PLAGL1: variants seen among roughly 807,000 people sequenced by gnomAD.
The protein encoded by PLAGL1 is PLAG1 like zinc finger 1.
In PLAGL1, 1 loss-of-function variant was observed where a neutral mutation model predicts 4.6. That is an observed-to-expected ratio of 0.22 (90% CI 0.08 to 1.03). The LOEUF (loss-of-function observed/expected upper bound fraction) is 1.03. Ranked by LOEUF, PLAGL1 falls within the 50% of genes least tolerant of loss-of-function variation. The pLI, the probability that PLAGL1 is intolerant of heterozygous loss-of-function variation, is 0.58. For missense variants in PLAGL1, 464 were observed against 570.4 expected (o/e 0.81, Z 1.90); for synonymous variants, 240 against 237.8 (o/e 1.01, Z -0.08).
intron 2 of PLAGL1, among the ~76,000 whole-genome samples, chr6:143,974,036 T>C (rs1227554121): frequency 1.3e-5 from 2 of 152,142 alleles, no homozygotes; most frequent in African/African-American, 4.8e-5. Context: ...GGGGTGAGGA[T>C]GGTTAGTCAA....
rs1262658866 is a variant in PLAGL1 at position 144,050,967 on chromosome 6, G to A, written c.-151+13501C>T. Among the ~76,000 whole-genome samples, 2 of 152,030 alleles carry A rather than the reference G, an allele frequency of 1.3e-5. No individual in the cohort carries two copies. Among genetic ancestry groups the A allele is most frequent in the African/African-American group, 4.8e-5 (2 of 41,392 alleles). ...TCTTTTATTACCAATAATATCTTCA[G>A]GCAAAATCTGCTGACAAACATTTAT... On this transcript the variant is annotated intron_variant, in intron 1 of 3. Transcript: ENST00000437412. The surrounding 1 kb of genome is among the most constrained non-coding windows in gnomAD (Gnocchi z 4.3).
chr6:144,008,790 G>A (rs1794893537), upstream of PLAGL1: 1 of 152,294 alleles, frequency 6.6e-6, no homozygotes, highest in Non-Finnish European at 1.5e-5. This position sits in a 1 kb window ranked among gnomAD's most constrained non-coding sequence, Gnocchi z 6.9. Flanking sequence ...CTGACCGTGA[G>A]CCAGGCACTG....
chr6:144,009,914 A>G (rs1218878510), upstream of PLAGL1, among the ~76,000 whole-genome samples: 2 of 152,158 alleles, frequency 1.3e-5, no homozygotes, highest in African/African-American at 4.8e-5. Context: ...AATCCAGTCT[A>G]TCACCAATGG....
At chr6:143,987,231 C>G (rs1562502431) in intron 1 of PLAGL1, among the ~76,000 whole-genome samples, 1 of 151,814 alleles carries the variant, frequency 6.6e-6, no homozygotes, top group Non-Finnish European at 1.5e-5. Context: ...TATTTAGAGA[C>G]AGGGTCTCTG....
At position 143,984,882 on chromosome 6, in the gene PLAGL1, T is replaced by C. The variant is rs1000432463; in HGVS notation, c.-544+253A>G. Among the ~76,000 whole-genome samples the C allele has an allele frequency of 1.3e-5, 2 of 152,208 alleles. No individual in the cohort carries two copies. Among genetic ancestry groups the C allele is most frequent in the Non-Finnish European group, 1.5e-5 (1 of 68,008 alleles). On this transcript the variant is annotated intron_variant, in intron 2 of 7. Transcript: ENST00000674357. This position sits in a 1 kb window ranked among gnomAD's most constrained non-coding sequence, Gnocchi z 5.5. Reference sequence around the variant, plus strand: ...GCCCTTTGCTCCCACTAACCATAACTCTGATAAGAAGTCACTATAAGGAAA... The same window carrying C: ...GCCCTTTGCTCCCACTAACCATAACCCTGATAAGAAGTCACTATAAGGAAA...
At chr6:144,062,742 A>G (rs1159024782) in intron 1 of PLAGL1, among the ~76,000 whole-genome samples, 1 of 152,192 alleles carries the variant, frequency 6.6e-6, no homozygotes, top group Non-Finnish European at 1.5e-5. Context: ...GGGCAAAAAA[A>G]CAGCATTTAT....
intron 2 of PLAGL1, among the ~76,000 whole-genome samples, chr6:143,974,559 T>A (rs1786088272): frequency 6.6e-6 from 1 of 152,032 alleles, no homozygotes. Flanking sequence ...TATACAGAAC[T>A]CTCAACTGCA....
intron 1 of PLAGL1, among the ~76,000 whole-genome samples, chr6:144,044,678 T>C (rs1455151565): frequency 6.6e-6 from 1 of 152,238 alleles, no homozygotes; most frequent in East Asian, 1.9e-4. Context: ...GTTCTGTAGA[T>C]GTCTATTAGG....
intron 2 of PLAGL1, among the ~76,000 whole-genome samples, chr6:143,981,421 G>C (rs983728717): frequency 6.6e-6 from 1 of 152,118 alleles, no homozygotes; most frequent in Non-Finnish European, 1.5e-5. Flanking sequence ...CTCACTCTCT[G>C]TGTAACTAAC....
Position 143,949,442 on chromosome 6 carries a change from T to C in PLAGL1, c.-324-982A>G, listed in dbSNP as rs1481295685. 1.3e-5 allele frequency among the ~76,000 whole-genome samples: 2 copies of C among 152,126 alleles called. No homozygotes were observed. The highest frequency in any genetic ancestry group is 4.8e-5 in the African/African-American group (2 of 41,416). ...AAGCTGAGAAACTGTGTTCCAAAAA[T>C]TTACACTTGGAGATGTCTCCTCCTA... On this transcript the variant is annotated intron_variant, in intron 6 of 7. Coordinates refer to ENST00000674357, the MANE Select transcript of PLAGL1 (RefSeq NM_001317162.2). The surrounding 1 kb of genome is among the most constrained non-coding windows in gnomAD (Gnocchi z 5.3).
intron 1 of PLAGL1, among the ~76,000 whole-genome samples, chr6:144,002,882 G>A (rs9484837): frequency 0.8 from 119,008 of 148,222 alleles, 47,784 homozygotes; most frequent in Middle Eastern, 0.82. Flanking sequence ...ATTCTGGTAG[G>A]CTTTTTTTTT....
rs1787521889 is a variant in PLAGL1 at position 143,979,861 on chromosome 6, C to T, written c.-544+5274G>A. ...AAAAGATTTCCTTTAGTATTTCTTA[C>T]ACTGTGGGTCTACTGGTGATTAATT... On this transcript the variant is annotated intron_variant, in intron 2 of 7. Coordinates refer to ENST00000674357, the MANE Select transcript of PLAGL1 (RefSeq NM_001317162.2). The surrounding 1 kb of genome is among the most constrained non-coding windows in gnomAD (Gnocchi z 4.6). Among the ~76,000 whole-genome samples, 1 of 152,000 alleles carries T rather than the reference C, an allele frequency of 6.6e-6. No individual in the cohort carries two copies. Among genetic ancestry groups the T allele is most frequent in the Non-Finnish European group, 1.5e-5 (1 of 67,938 alleles).
rs562294106 is a variant in PLAGL1 at position 143,947,290 on chromosome 6, G to A, written c.152+695C>T. Among the ~76,000 whole-genome samples the A allele has an allele frequency of 6.6e-6, 1 of 152,264 alleles. No individual in the cohort carries two copies. Among genetic ancestry groups the A allele is most frequent in the East Asian group, 1.9e-4 (1 of 5,180 alleles). Reference sequence around the variant, plus strand: ...CTCCTAGCTTTACTCTCAGGACCTGGATCAGCCCCCACATTTCATCCCTGG... The same window carrying A: ...CTCCTAGCTTTACTCTCAGGACCTGAATCAGCCCCCACATTTCATCCCTGG... On this transcript the variant is annotated intron_variant, in intron 7 of 7. Coordinates refer to ENST00000674357, the MANE Select transcript of PLAGL1 (RefSeq NM_001317162.2). The surrounding 1 kb of genome is among the most constrained non-coding windows in gnomAD (Gnocchi z 4.3).
intron 1 of PLAGL1, among the ~76,000 whole-genome samples, chr6:144,033,563 T>C (rs1189820195): frequency 6.6e-6 from 1 of 152,190 alleles, no homozygotes; most frequent in Non-Finnish European, 1.5e-5. Flanking sequence ...AACACATTAC[T>C]AGAAACTGCA....
intron 1 of PLAGL1, among the ~76,000 whole-genome samples, chr6:144,060,235 G>C: frequency 6.6e-6 from 1 of 152,084 alleles, no homozygotes. Flanking sequence ...TTTTAATAGA[G>C]GTGGGGTTTC....
Position 143,990,414 on chromosome 6 carries a change from C to T in PLAGL1, c.-583-5240G>A, listed in dbSNP as rs541065973. ...GATTACAGGTGTGAGCCATCGTGCC[C>T]GGCTGATATTCCTCAATTTTTAAAG... On this transcript the variant is annotated intron_variant, in intron 1 of 7. Coordinates refer to ENST00000674357, the MANE Select transcript of PLAGL1 (RefSeq NM_001317162.2). This position sits in a 1 kb window ranked among gnomAD's most constrained non-coding sequence, Gnocchi z 5.4. Among the ~76,000 whole-genome samples the T allele has an allele frequency of 2.0e-5, 3 of 152,256 alleles. No homozygotes were observed. Among genetic ancestry groups the T allele is most frequent in the South Asian group, 4.1e-4 (2 of 4,820 alleles).
Position 144,053,915 on chromosome 6 carries a change from C to A in PLAGL1, c.-151+10553G>T, listed in dbSNP as rs1798756616. Among the ~76,000 whole-genome samples, 4 of 152,204 alleles carry A rather than the reference C, an allele frequency of 2.6e-5. No individual in the cohort carries two copies. ...GAAAGTCTTTGATTATATTAATTAT[C>A]ACATGAATCCTGTCAAAGTACATAC... On this transcript the variant is annotated intron_variant, in intron 1 of 3. Coordinates refer to the PLAGL1 transcript ENST00000437412. The surrounding 1 kb of genome is among the most constrained non-coding windows in gnomAD (Gnocchi z 4.0).
rs2128724405 is a variant in PLAGL1, at chr6:144,051,129, T to G, written c.-151+13339A>C. Among the ~76,000 whole-genome samples, 4 of 152,326 alleles carry G rather than the reference T, an allele frequency of 2.6e-5. No homozygotes were observed. The South Asian group carries it at 8.3e-4, about 32-fold the overall frequency. On this transcript the variant is annotated intron_variant, in intron 1 of 3. Coordinates refer to the PLAGL1 transcript ENST00000437412. ...TAGACACCTACAGACTATCAGATAA[T>G]GTCTAGGAAATCACCTCAATTACGT...
Position 143,983,183 on chromosome 6 carries a change from T to C in PLAGL1, c.-544+1952A>G, listed in dbSNP as rs1788325701. 6.6e-6 allele frequency among the ~76,000 whole-genome samples: 1 copy of C among 152,102 alleles called. No individual in the cohort carries two copies. Among genetic ancestry groups the C allele is most frequent in the African/African-American group, 2.4e-5 (1 of 41,428 alleles). ...TCAGAAGACAAGAGAAGAACATACT[T>C]CACAGAGCAGCATGATCAGTGGGGT... On this transcript the variant is annotated intron_variant, in intron 2 of 7. Transcript: ENST00000674357. The surrounding 1 kb of genome is among the most constrained non-coding windows in gnomAD (Gnocchi z 6.6).
Sources: gnomAD v4.1 joint callset for allele counts (sites outside exome capture counted in the v4.1 genomes callset) on GRCh38, gnomAD v4.1.1 for gene constraint, Gnocchi (gnomAD v3.1) non-coding constraint, MANE v1.5 for transcripts, NCBI Gene and HGNC (gene_info 2026-07-23, HGNC 2026-07-21) for gene names.